The following MMP16 variants were observed in gnomAD, a reference collection of about 807,000 sequenced individuals.
MMP16 encodes matrix metallopeptidase 16, also known as matrix metalloproteinase-16.
Under a neutral mutation model 67.8 loss-of-function variants are expected in MMP16, and 12 were observed. The ratio of observed to expected loss-of-function variants is 0.18; its 90% CI spans 0.11 to 0.29. The LOEUF (loss-of-function observed/expected upper bound fraction) is 0.29, where lower values mean the gene tolerates loss of function less well. MMP16 is among the 10% of genes least tolerant of loss of function. MMP16 has a pLI of 1.00. For synonymous variants in MMP16, 249 were observed against 255.9 expected (o/e 0.97, Z 0.26); for missense variants, 475 against 765.7 (o/e 0.62, Z 4.48).
At position 88,032,853 on chromosome 8, in the gene MMP16, T is replaced by C. The variant is rs938359104; in HGVS notation, c.*8608A>G. The C allele has an allele frequency of 4.6e-5, 7 of 152,062 alleles. No individual in the cohort carries two copies. The highest frequency in any genetic ancestry group is 1.7e-4 in the African/African-American group (7 of 41,438). The allele number at this position is 152,062 out of a possible 1,614,324, so 9.4% of individuals were successfully genotyped here. On this transcript the variant is annotated 3_prime_UTR_variant, in exon 10 of 10. Coordinates refer to ENST00000286614, the MANE Select transcript of MMP16 (RefSeq NM_005941.5). ...CTTGCACACAGAAGACTACATATTA[T>C]CAAGAACTTAATGAAATAGTGTTGA... is the stretch of plus-strand genomic sequence containing the variant.
At chr8:88,208,972 C>A (rs1809472706) in intron 1 of MMP16, among the ~76,000 whole-genome samples, 1 of 151,688 alleles carries the variant, frequency 6.6e-6, no homozygotes, top group Non-Finnish European at 1.5e-5. Context: ...CTGAACCGTG[C>A]CAGATGAGGA....
At chr8:88,134,938 A>G (rs1305711871) in intron 4 of MMP16, among the ~76,000 whole-genome samples, 2 of 151,712 alleles carry the variant, frequency 1.3e-5, no homozygotes, top group Non-Finnish European at 2.9e-5. Context: ...TTGGAAAAGA[A>G]TATTAACAGA....
chr8:88,161,497 A>G (rs1291348488), intron 4 of MMP16, among the ~76,000 whole-genome samples: 1 of 151,944 alleles, frequency 6.6e-6, no homozygotes, highest in Non-Finnish European at 1.5e-5. Flanking sequence ...TTTTCAAAAA[A>G]CCAGCTCCTG....
chr8:88,168,936 G>A (rs1586186757), intron 3 of MMP16, among the ~76,000 whole-genome samples: 1 of 151,922 alleles, frequency 6.6e-6, no homozygotes, highest in African/African-American at 2.4e-5. Flanking sequence ...TTGAACTCTG[G>A]CACTCAAGCA....
At chr8:88,285,694 C>G (rs898100583) in intron 1 of MMP16, among the ~76,000 whole-genome samples, 1 of 151,822 alleles carries the variant, frequency 6.6e-6, no homozygotes, top group Admixed American at 6.6e-5. Flanking sequence ...CTGAATCCTT[C>G]CAATGACTTT....
intron 3 of MMP16, among the ~76,000 whole-genome samples, chr8:88,177,273 T>C (rs1459904057): frequency 6.6e-6 from 1 of 152,212 alleles, no homozygotes; most frequent in Non-Finnish European, 1.5e-5. Context: ...CTTCGATATA[T>C]AAAATGTTTG....
intron 6 of MMP16, among the ~76,000 whole-genome samples, chr8:88,095,489 G>A (rs1316366774): frequency 1.3e-5 from 2 of 151,774 alleles, no homozygotes; most frequent in Admixed American, 6.6e-5. Flanking sequence ...CAGGCACAAA[G>A]TTGTAGTAAA....
rs911004589 is a variant in MMP16 at position 88,267,284 on chromosome 8, T to C, written c.132+59791A>G. On this transcript the variant is annotated intron_variant, in intron 1 of 9. Transcript: ENST00000286614. ...TGAGAAAACTGAGAGGAGAAAAAGA[T>C]AAGTAACTTTCCCAAGACACATCAC... 4.6e-5 allele frequency among the ~76,000 whole-genome samples: 7 copies of C among 152,214 alleles called. No individual in the cohort carries two copies. The South Asian group carries it at 1.4e-3, about 31-fold the overall frequency.
chr8:88,106,935 A>G (rs10104277), intron 6 of MMP16, among the ~76,000 whole-genome samples: 32,912 of 151,048 alleles, frequency 0.22, 3,772 homozygotes, highest in Middle Eastern at 0.26. Context: ...GGTATTATGA[A>G]TAGCTTTTTA....
At chr8:88,186,439 A>G (rs1809074278) in intron 3 of MMP16, 37 bp downstream of exon 3, 2 of 1,611,020 alleles carry the variant, frequency 1.2e-6, no homozygotes, top group Non-Finnish European at 1.7e-6. Flanking sequence ...GTAATGAAAT[A>G]TGGGGAAAAG....
chr8:88,150,789 A>C (rs1475465581), intron 4 of MMP16, among the ~76,000 whole-genome samples: 1 of 151,636 alleles, frequency 6.6e-6, no homozygotes, highest in Non-Finnish European at 1.5e-5. Flanking sequence ...CGATGCTAGG[A>C]AGAAACTGCA....
At chr8:88,224,768 G>C (rs994833661) in intron 1 of MMP16, among the ~76,000 whole-genome samples, 4 of 151,982 alleles carry the variant, frequency 2.6e-5, no homozygotes, top group African/African-American at 9.7e-5. Flanking sequence ...GGTGGTAAAT[G>C]CTGAGTTAAA....
chr8:88,177,575 C>T (rs1808913041), intron 3 of MMP16, among the ~76,000 whole-genome samples: 1 of 152,176 alleles, frequency 6.6e-6, no homozygotes. Flanking sequence ...TGAGAAAGAT[C>T]CTCTCCTGCT....
At chr8:88,149,328 GCCGGGAA>G (rs1457955089) in intron 4 of MMP16, among the ~76,000 whole-genome samples, 1 of 152,212 alleles carries the variant, frequency 6.6e-6, no homozygotes, top group Non-Finnish European at 1.5e-5. Context: ...AAACAAAGCA[GCCGGGAA>G]CCTCGAACTG....
chr8:88,227,085 C>T (rs1809782605), intron 1 of MMP16, among the ~76,000 whole-genome samples: 1 of 151,818 alleles, frequency 6.6e-6, no homozygotes, highest in Non-Finnish European at 1.5e-5. Flanking sequence ...ACATAACTTC[C>T]TATGTAACAG....
intron 1 of MMP16, among the ~76,000 whole-genome samples, chr8:88,254,627 G>C (rs1173635489): frequency 6.6e-6 from 1 of 152,050 alleles, no homozygotes; most frequent in Non-Finnish European, 1.5e-5. Context: ...ATATAAAATA[G>C]ATCAACTGAT....
chr8:88,081,259 T>C (rs1808746927), intron 6 of MMP16, among the ~76,000 whole-genome samples: 1 of 152,138 alleles, frequency 6.6e-6, no homozygotes, highest in African/African-American at 2.4e-5. Flanking sequence ...GGAGGAAAAG[T>C]GTACTTTGGA....
chr8:88,323,988 C>T (rs150448234), intron 1 of MMP16, among the ~76,000 whole-genome samples: 1 of 152,204 alleles, frequency 6.6e-6, no homozygotes, highest in East Asian at 1.9e-4. Context: ...TCCCTTGCAT[C>T]GTGCTAATTA....
chr8:88,138,601 T>C (rs1362089331), intron 4 of MMP16, among the ~76,000 whole-genome samples: 1 of 152,076 alleles, frequency 6.6e-6, no homozygotes, highest in Non-Finnish European at 1.5e-5. Context: ...TCCAATTTGT[T>C]GTCTCCTTAT....
Sources: allele counts gnomAD v4.1 joint callset (sites outside exome capture counted in the v4.1 genomes callset), GRCh38; gene constraint gnomAD v4.1.1; transcripts MANE v1.5; gene names NCBI Gene and HGNC (gene_info 2026-07-23, HGNC 2026-07-21).